Variants in PKNOX2 observed in about 807,000 individuals in gnomAD.
PKNOX2 encodes the protein PBX/knotted 1 homeobox 2.
Under a neutral mutation model 53.1 loss-of-function variants are expected in PKNOX2, and 14 were observed. The ratio of observed to expected loss-of-function variants is 0.26; its 90% confidence interval spans 0.17 to 0.41. The LOEUF (loss-of-function observed/expected upper bound fraction) is 0.41. PKNOX2 is among the 10% of genes least tolerant of loss of function. The pLI, the probability that PKNOX2 is intolerant of heterozygous loss-of-function variation, is 1.00. For missense variants in PKNOX2, 496 were observed against 602.8 expected, an observed-to-expected ratio of 0.82 and a Z score of 1.85; for synonymous variants, 257 against 242.8, an observed-to-expected ratio of 1.06 and a Z score of -0.54.
chr11:125,170,491 A>G (rs954395202), intron 1 of PKNOX2, among the ~76,000 whole-genome samples: 1 of 152,146 alleles, frequency 6.6e-6, no homozygotes, highest in Non-Finnish European at 1.5e-5. Context: ...TCCCGTCCAG[A>G]ACCCCCAGGA....
At chr11:125,364,867 A>G (rs1319577066) in intron 4 of PKNOX2, among the ~76,000 whole-genome samples, 8 of 152,030 alleles carry the variant, frequency 5.3e-5, no homozygotes, top group African/African-American at 9.7e-5. Flanking sequence ...TTCAGATATC[A>G]TGTAATCCAG....
At position 125,370,853 on chromosome 11, in the gene PKNOX2, G is replaced by A. The variant is rs1952489938; in HGVS notation, c.227+2868G>A. 1.3e-5 allele frequency among the ~76,000 whole-genome samples: 2 copies of A among 152,248 alleles called. No individual in the cohort carries two copies. The highest frequency in any genetic ancestry group is 6.5e-5 in the Admixed American group (1 of 15,290). On this transcript the variant is annotated intron_variant, in intron 5 of 12. Transcript: ENST00000298282. The surrounding 1 kb of genome is among the most constrained non-coding windows in gnomAD (Gnocchi z 4.1). ...GGGAGTCGGCATTTTATGTCAATAA[G>A]TGTAACCAGACCCTTTCCATTCAGA...
intron 1 of PKNOX2, among the ~76,000 whole-genome samples, chr11:125,205,559 C>G (rs1387772040): frequency 1.3e-5 from 2 of 150,028 alleles, no homozygotes; most frequent in Non-Finnish European, 3.0e-5. Flanking sequence ...AGGTGACTCT[C>G]TTGCTAGGGG....
At chr11:125,222,263 A>G (rs1279782456) in intron 1 of PKNOX2, among the ~76,000 whole-genome samples, 1 of 151,540 alleles carries the variant, frequency 6.6e-6, no homozygotes, top group Admixed American at 6.6e-5. Context: ...TCCAGTTGGG[A>G]TTTTTTTCTG....
chr11:125,378,543 A>C (rs551965267), intron 5 of PKNOX2, among the ~76,000 whole-genome samples: 2 of 152,236 alleles, frequency 1.3e-5, no homozygotes, highest in African/African-American at 4.8e-5. Flanking sequence ...TCCCACCCCC[A>C]AGAGGGTGAG....
chr11:125,181,529 T>C (rs1956158412), intron 1 of PKNOX2, among the ~76,000 whole-genome samples: 1 of 152,188 alleles, frequency 6.6e-6, no homozygotes, highest in Non-Finnish European at 1.5e-5. Context: ...GGGAGGAGTC[T>C]CCTCCCTTAA....
At chr11:125,178,955 G>A (rs925307078) in intron 1 of PKNOX2, among the ~76,000 whole-genome samples, 6 of 152,058 alleles carry the variant, frequency 3.9e-5, no homozygotes, top group African/African-American at 9.7e-5. Flanking sequence ...GAGATAGCCC[G>A]TGTAAAGTGC....
intron 2 of PKNOX2, among the ~76,000 whole-genome samples, chr11:125,330,022 C>A (rs921385054): frequency 2.6e-5 from 4 of 152,174 alleles, no homozygotes; most frequent in African/African-American, 9.7e-5. Context: ...CCTTGAAGAG[C>A]ATGAATGAAG....
rs184708559 is a variant in PKNOX2, at chr11:125,364,095, A to G, written c.88-3751A>G. 3.7e-3 allele frequency among the ~76,000 whole-genome samples: 570 copies of G among 152,280 alleles called. 18 individuals are homozygous for G. The highest frequency in any genetic ancestry group is 0.035 in the Admixed American group (533 of 15,306). On this transcript the variant is annotated intron_variant, in intron 4 of 12. Coordinates refer to ENST00000298282, the MANE Select transcript of PKNOX2 (RefSeq NM_001382323.2). ...ACTCTTTAGGCTGTGCTGCCCAGTA[A>G]CTTCCCCCAAAAAAACTTACTTCAA...
intron 10 of PKNOX2, among the ~76,000 whole-genome samples, chr11:125,423,676 C>T (rs1273780944): frequency 6.6e-6 from 1 of 152,132 alleles, no homozygotes; most frequent in African/African-American, 2.4e-5. Flanking sequence ...CTTGGGGTGA[C>T]AGGTAGCTAC....
intron 2 of PKNOX2, among the ~76,000 whole-genome samples, chr11:125,328,647 C>T (rs1037314887): frequency 9.9e-5 from 15 of 152,216 alleles, no homozygotes; most frequent in East Asian, 1.9e-4. Context: ...AGGGCACAGC[C>T]GCCTCTGCCT....
intron 7 of PKNOX2, among the ~76,000 whole-genome samples, chr11:125,398,266 G>T (rs999356542): frequency 6.6e-6 from 1 of 152,160 alleles, no homozygotes; most frequent in Non-Finnish European, 1.5e-5. Context: ...GCCCTGCCAG[G>T]GCATTAGTAT....
intron 4 of PKNOX2, among the ~76,000 whole-genome samples, chr11:125,359,971 G>A (rs186876140): frequency 2.6e-5 from 4 of 152,110 alleles, no homozygotes; most frequent in East Asian, 1.9e-4. Context: ...TGATCTGCCC[G>A]CCTCGGCCTC....
At chr11:125,374,298 T>C (rs1210838207) in intron 5 of PKNOX2, among the ~76,000 whole-genome samples, 1 of 152,138 alleles carries the variant, frequency 6.6e-6, no homozygotes, top group Non-Finnish European at 1.5e-5. Context: ...CCAGGGCCTC[T>C]GGACTACTAG....
chr11:125,178,771 G>A (rs1396528736), intron 1 of PKNOX2, among the ~76,000 whole-genome samples: 3 of 150,694 alleles, frequency 2.0e-5, no homozygotes, highest in Non-Finnish European at 4.4e-5. Flanking sequence ...ACTGCCCAGG[G>A]CAGGGCAGTT....
At chr11:125,169,400 T>C (rs1254819012) in intron 1 of PKNOX2, among the ~76,000 whole-genome samples, 5 of 152,166 alleles carry the variant, frequency 3.3e-5, no homozygotes, top group Admixed American at 3.3e-4. Flanking sequence ...CCAGGATTGT[T>C]GCGATGGGGA....
At chr11:125,261,319 A>G (rs12797390) in intron 2 of PKNOX2, among the ~76,000 whole-genome samples, 38,573 of 152,036 alleles carry the variant, frequency 0.25, 5,710 homozygotes, top group Non-Finnish European at 0.33. Context: ...CACCATTGGG[A>G]TGGTTTCATA....
chr11:125,424,705 G>C (rs545471295), intron 10 of PKNOX2, among the ~76,000 whole-genome samples: 1 of 152,308 alleles, frequency 6.6e-6, no homozygotes, highest in East Asian at 1.9e-4. Context: ...CATCTGCTGT[G>C]TCCCTTGGTG....
At chr11:125,232,949 A>G (rs1377646107) in intron 1 of PKNOX2, among the ~76,000 whole-genome samples, 1 of 151,632 alleles carries the variant, frequency 6.6e-6, no homozygotes, top group Non-Finnish European at 1.5e-5. Context: ...TTCCTGTCAA[A>G]TCTTTTCTAC....
Sources: allele counts gnomAD v4.1 joint callset (sites outside exome capture counted in the v4.1 genomes callset), GRCh38; gene constraint gnomAD v4.1.1; non-coding constraint Gnocchi (gnomAD v3.1); transcripts MANE v1.5; gene names NCBI Gene and HGNC (gene_info 2026-07-23, HGNC 2026-07-21).